Variants in PTPRN2 observed in about 807,000 individuals in gnomAD.
The protein encoded by PTPRN2 is protein tyrosine phosphatase receptor type N2, also known as receptor-type tyrosine-protein phosphatase N2.
A neutral mutation model predicts 118.8 loss-of-function variants in PTPRN2; 74 were observed. The ratio of observed to expected loss-of-function variants is 0.62; its 90% CI spans 0.52 to 0.76. The LOEUF is 0.76. Among genes scored for constraint, PTPRN2 ranks in the 30% least tolerant of loss-of-function variants. The pLI, the probability that PTPRN2 is intolerant of heterozygous loss-of-function variation, is 0.00. For missense variants in PTPRN2, 1,481 were observed against 1,394.4 expected (o/e 1.06, Z -0.99); for synonymous variants, 641 against 608.0 (o/e 1.05, Z -0.80).
chr7:157,928,152 T>A (rs1799135354), intron 11 of PTPRN2, among the ~76,000 whole-genome samples: 1 of 152,154 alleles, frequency 6.6e-6, no homozygotes, highest in South Asian at 2.1e-4. Flanking sequence ...AGAAGGAAGG[T>A]GCAGATGAGG....
rs144004975 is a variant in PTPRN2 at position 157,682,865 on chromosome 7, C to A, written c.1861G>T (p.Val621Phe). ...ACGCCCAGGATGCAGGCGAGGGAGACCAGGGTGAGCGCGATGAACTTGGTG... is the reference window on the plus strand; with the variant it reads ...ACGCCCAGGATGCAGGCGAGGGAGAACAGGGTGAGCGCGATGAACTTGGTG... The part of the protein sequence containing the change: ...DSTKFIALTL[V>F]SLACILGVLL... The change falls in exon 13 of 23, where the codon GTC becomes TTC. Residue 621 changes from valine (V) to phenylalanine (F), a missense_variant. Transcript: ENST00000389418. 16 of 1,613,910 alleles carry A rather than the reference C, an allele frequency of 9.9e-6. No individual in the cohort carries two copies. The African/African-American group carries it at 2.0e-4, about 20-fold the overall frequency.
At position 158,134,078 on chromosome 7, in the gene PTPRN2, C is replaced by A; in HGVS notation, c.1174-19G>T. The A allele has an allele frequency of 6.2e-7, 1 of 1,602,348 alleles. No individual in the cohort carries two copies. The highest frequency in any genetic ancestry group is 1.1e-5 in the South Asian group (1 of 89,858). Reference sequence around the variant, plus strand: ...GATGGACCTGACAGAGAGGACATTCCGTGAGGGACGTCTGCGAAAGGAATG... The same window carrying A: ...GATGGACCTGACAGAGAGGACATTCAGTGAGGGACGTCTGCGAAAGGAATG... On this transcript the variant is annotated intron_variant, in intron 8 of 22. Transcript: ENST00000389418.
At chr7:158,578,293 T>TC (rs1828445114) in intron 1 of PTPRN2, among the ~76,000 whole-genome samples, 1 of 151,880 alleles carries the variant, frequency 6.6e-6, no homozygotes, top group Non-Finnish European at 1.5e-5. Flanking sequence ...TTTTTTTTTT[T>TC]TTGAGATTCC....
At chr7:157,595,026 A>T (rs1399759952) in intron 17 of PTPRN2, among the ~76,000 whole-genome samples, 3 of 152,234 alleles carry the variant, frequency 2.0e-5, no homozygotes, top group Non-Finnish European at 4.4e-5. Flanking sequence ...GAAAGCATTA[A>T]ATCTCTCAAA....
chr7:157,877,819 C>T (rs1369001457), intron 12 of PTPRN2, among the ~76,000 whole-genome samples: 2 of 152,218 alleles, frequency 1.3e-5, no homozygotes, highest in African/African-American at 4.8e-5. Context: ...TCAGAAACCA[C>T]ATTCCCCAAG....
intron 2 of PTPRN2, among the ~76,000 whole-genome samples, chr7:158,368,761 C>A (rs762961397): frequency 2.6e-5 from 4 of 152,188 alleles, no homozygotes; most frequent in Admixed American, 2.6e-4. Flanking sequence ...CCTCGACCCC[C>A]CAAGTCTTCC....
intron 9 of PTPRN2, among the ~76,000 whole-genome samples, chr7:158,111,189 G>C (rs960667992): frequency 1.3e-5 from 2 of 152,224 alleles, no homozygotes; most frequent in African/African-American, 4.8e-5. Flanking sequence ...ATAAAGGGGA[G>C]AAGGGAGAAG....
At chr7:157,646,712 G>A (rs1449904757) in intron 14 of PTPRN2, among the ~76,000 whole-genome samples, 1 of 152,218 alleles carries the variant, frequency 6.6e-6, no homozygotes, top group African/African-American at 2.4e-5. Context: ...CAGGAGCTGT[G>A]GCTTGGGTGG....
chr7:157,564,830 G>GATGT (rs1799400843), intron 21 of PTPRN2, among the ~76,000 whole-genome samples: 1 of 152,246 alleles, frequency 6.6e-6, no homozygotes. Context: ...CATATCCAGG[G>GATGT]ATGTGGGTGG....
chr7:158,230,765 T>G (rs1376514027), intron 3 of PTPRN2, among the ~76,000 whole-genome samples: 6 of 151,964 alleles, frequency 3.9e-5, no homozygotes, highest in African/African-American at 1.4e-4. Context: ...GCAACAAGAA[T>G]GAGGAGTTAC....
chr7:158,569,855 G>A (rs1388596136), intron 1 of PTPRN2, among the ~76,000 whole-genome samples: 331 of 133,160 alleles, frequency 2.5e-3, no homozygotes, highest in Middle Eastern at 4.2e-3. Context: ...GAGGCCGCCT[G>A]ACTGACAGGA....
chr7:158,361,769 G>A (rs1250949506), intron 2 of PTPRN2, among the ~76,000 whole-genome samples: 2 of 152,200 alleles, frequency 1.3e-5, no homozygotes, highest in African/African-American at 4.8e-5. Flanking sequence ...AGGAAGGTCA[G>A]TGCCTGGAGC....
intron 2 of PTPRN2, among the ~76,000 whole-genome samples, chr7:158,403,934 A>T (rs763311886): frequency 3.3e-5 from 5 of 152,248 alleles, no homozygotes; most frequent in Admixed American, 1.3e-4. Context: ...GTAGGGTAAA[A>T]GTCACAAGAA....
chr7:158,114,387 C>T (rs1816555736), intron 9 of PTPRN2, among the ~76,000 whole-genome samples: 1 of 152,208 alleles, frequency 6.6e-6, no homozygotes, highest in African/African-American at 2.4e-5. Context: ...ACCCCTTGGC[C>T]AAACTCCCAC....
chr7:158,522,285 G>A (rs1350869506), intron 1 of PTPRN2, among the ~76,000 whole-genome samples: 16 of 78,320 alleles, frequency 2.0e-4, no homozygotes, highest in Admixed American at 4.1e-4. Flanking sequence ...GCTCGGGAGG[G>A]AGGTCCACGT....
intron 12 of PTPRN2, among the ~76,000 whole-genome samples, chr7:157,894,261 C>A (rs573961202): frequency 6.6e-6 from 1 of 152,346 alleles, no homozygotes; most frequent in Non-Finnish European, 1.5e-5. Flanking sequence ...GAGGAGCAAT[C>A]AAAACCGGGC....
chr7:158,061,019 A>G (rs917081423), intron 11 of PTPRN2, among the ~76,000 whole-genome samples: 9 of 152,384 alleles, frequency 5.9e-5, no homozygotes, highest in Non-Finnish European at 1.2e-4. Context: ...CTGACCTTCC[A>G]CAATATGGAA....
intron 2 of PTPRN2, among the ~76,000 whole-genome samples, chr7:158,410,052 C>T (rs1813911630): frequency 1.3e-5 from 2 of 152,220 alleles, no homozygotes; most frequent in Admixed American, 1.3e-4. Context: ...AGCCTGATCA[C>T]TCCTTCGGTT....
chr7:157,648,982 C>T (rs1313139580), intron 14 of PTPRN2, among the ~76,000 whole-genome samples: 48 of 129,948 alleles, frequency 3.7e-4, no homozygotes, highest in East Asian at 9.2e-4. Context: ...TCGGACCCAT[C>T]CACTGTGCAC....
Sources: gnomAD v4.1 joint callset for allele counts (sites outside exome capture counted in the v4.1 genomes callset) on GRCh38, gnomAD v4.1.1 for gene constraint, MANE v1.5 for transcripts, NCBI Gene and HGNC (gene_info 2026-07-23, HGNC 2026-07-21) for gene names.